The following AGBL4 variants were observed in gnomAD, a reference collection of about 807,000 sequenced individuals.
AGBL4 encodes cytosolic carboxypeptidase 6.
Under a neutral mutation model 66.4 loss-of-function variants are expected in AGBL4, and 58 were observed. That is an observed-to-expected ratio of 0.87 (90% CI 0.71 to 1.09). The LOEUF (loss-of-function observed/expected upper bound fraction) is 1.09. Among genes scored for constraint, AGBL4 ranks in the 50% least tolerant of loss-of-function variants. AGBL4 has a pLI of 0.00. For synonymous variants in AGBL4, 234 were observed against 222.9 expected (o/e 1.05, Z -0.44); for missense variants, 579 against 631.0 (o/e 0.92, Z 0.88).
At position 48,687,784 on chromosome 1, in the gene AGBL4, G is replaced by A. The variant is rs541585233; in HGVS notation, c.635-24543C>T. ...GTGGTCTGTGGCAGGCCCTGGACCA[G>A]CACCCTCGGCTGGCACTCCTGCCTT... On this transcript the variant is annotated intron_variant, in intron 6 of 13. Coordinates refer to ENST00000371839, the MANE Select transcript of AGBL4 (RefSeq NM_032785.4). Among the ~76,000 whole-genome samples the A allele has an allele frequency of 2.0e-5, 3 of 152,318 alleles. No homozygotes were observed. In the South Asian group the frequency reaches 6.2e-4, roughly 32 times the overall value.
Position 49,632,903 on chromosome 1 carries a change from G to A in AGBL4, c.282+64410C>T, listed in dbSNP as rs746695684. Among the ~76,000 whole-genome samples the A allele has an allele frequency of 6.6e-5, 10 of 151,732 alleles. No individual in the cohort carries two copies. The East Asian group carries it at 1.4e-3, about 21-fold the overall frequency. On this transcript the variant is annotated intron_variant, in intron 3 of 13. Transcript: ENST00000371839. ...ATCCTGGCCAACATAGTAAAACCCCGTCTCTACTAAAAATATAAAAATTAG... is the reference window on the plus strand; with the variant it reads ...ATCCTGGCCAACATAGTAAAACCCCATCTCTACTAAAAATATAAAAATTAG...
At chr1:48,863,886 G>A (rs2148820999) in intron 6 of AGBL4, among the ~76,000 whole-genome samples, 1 of 152,134 alleles carries the variant, frequency 6.6e-6, no homozygotes, top group Admixed American at 6.5e-5. Context: ...AGATAGGGAG[G>A]ATTTCTTAAA....
intron 4 of AGBL4, among the ~76,000 whole-genome samples, chr1:49,046,880 T>C (rs1240376760): frequency 6.6e-6 from 1 of 152,132 alleles, no homozygotes; most frequent in Non-Finnish European, 1.5e-5. Context: ...GGATGAAGGA[T>C]GTAAGGCTCA....
At chr1:50,000,317 A>G (rs185816985) in intron 1 of AGBL4, among the ~76,000 whole-genome samples, 4 of 152,366 alleles carry the variant, frequency 2.6e-5, no homozygotes, top group African/African-American at 9.6e-5. Context: ...ACATATGGAA[A>G]AATGTTCAGT....
At chr1:49,264,418 A>C (rs1570273065) in intron 3 of AGBL4, among the ~76,000 whole-genome samples, 1 of 152,200 alleles carries the variant, frequency 6.6e-6, no homozygotes, top group African/African-American at 2.4e-5. Flanking sequence ...CATTTATTGA[A>C]TAAGTCATTC....
chr1:48,862,674 A>G (rs1309449646), intron 6 of AGBL4, among the ~76,000 whole-genome samples: 1 of 152,190 alleles, frequency 6.6e-6, no homozygotes, highest in East Asian at 1.9e-4. Flanking sequence ...GACTCTGCAA[A>G]TGGCAAGTGA....
At chr1:49,897,429 T>TA (rs1454965252) in intron 1 of AGBL4, among the ~76,000 whole-genome samples, 4 of 151,710 alleles carry the variant, frequency 2.6e-5, no homozygotes, top group African/African-American at 9.7e-5. Flanking sequence ...ATAAAAACTA[T>TA]AAAAAATTGA....
chr1:48,556,543 G>A (rs1462887414), intron 11 of AGBL4, among the ~76,000 whole-genome samples: 1 of 152,130 alleles, frequency 6.6e-6, no homozygotes, highest in Non-Finnish European at 1.5e-5. Flanking sequence ...TCCCTCTGTG[G>A]CAGGGCCTCT....
At chr1:49,227,836 A>G (rs973333068) in intron 4 of AGBL4, among the ~76,000 whole-genome samples, 12 of 152,086 alleles carry the variant, frequency 7.9e-5, no homozygotes, top group Admixed American at 4.6e-4. Flanking sequence ...CTATTCTCTA[A>G]TCTTCAGCCA....
intron 1 of AGBL4, among the ~76,000 whole-genome samples, chr1:49,911,230 G>A (rs1650794626): frequency 6.6e-6 from 1 of 152,110 alleles, no homozygotes; most frequent in South Asian, 2.1e-4. Context: ...AAAATAATGA[G>A]CTGGACTCGC....
intron 9 of AGBL4, among the ~76,000 whole-genome samples, chr1:48,609,244 T>A (rs112679245): frequency 0.017 from 2,605 of 152,292 alleles, 38 homozygotes; most frequent in Non-Finnish European, 0.025. Context: ...AATCTGAGCA[T>A]GCCACTCCTC....
At chr1:49,209,727 CAATT>C (rs550334546) in intron 4 of AGBL4, among the ~76,000 whole-genome samples, 140 of 152,078 alleles carry the variant, frequency 9.2e-4, no homozygotes, top group South Asian at 2.7e-3. Context: ...ACAAATAAGA[CAATT>C]AATCCTATAA....
intron 8 of AGBL4, among the ~76,000 whole-genome samples, chr1:48,650,445 C>A (rs1269171951): frequency 9.7e-5 from 1 of 10,288 alleles, no homozygotes; most frequent in Non-Finnish European, 2.3e-4. Context: ...TGAGAACCAA[C>A]CTTCCTTCCT....
At chr1:49,013,825 A>C (rs1222560103) in intron 5 of AGBL4, among the ~76,000 whole-genome samples, 1 of 152,190 alleles carries the variant, frequency 6.6e-6, no homozygotes, top group African/African-American at 2.4e-5. Context: ...CACAGTTTGG[A>C]AGTACATGGC....
At chr1:49,312,169 G>C (rs1263827255) in intron 3 of AGBL4, among the ~76,000 whole-genome samples, 1 of 152,072 alleles carries the variant, frequency 6.6e-6, no homozygotes, top group Non-Finnish European at 1.5e-5. Flanking sequence ...GGCACCTTTA[G>C]GAAGCAACTA....
intron 9 of AGBL4, among the ~76,000 whole-genome samples, chr1:48,607,388 C>T (rs1002277964): frequency 9.2e-5 from 14 of 152,142 alleles, no homozygotes; most frequent in Admixed American, 5.9e-4. Flanking sequence ...GAGGCTGAGG[C>T]GGGCGGATCA....
intron 2 of AGBL4, among the ~76,000 whole-genome samples, chr1:49,784,764 TAC>T (rs1385629440): frequency 6.6e-6 from 1 of 151,778 alleles, no homozygotes; most frequent in Admixed American, 6.6e-5. Flanking sequence ...AAAGAACTCT[TAC>T]AGTTAATAAT....
At position 49,742,709 on chromosome 1, in the gene AGBL4, G is replaced by A. The variant is rs1210440951; in HGVS notation, c.158-45272C>T. ...GTACTGGTACCAAAACAGAGATACA[G>A]ACCAATGGAACAGAACAGAGCCCTC... On this transcript the variant is annotated intron_variant, in intron 2 of 13. Coordinates refer to ENST00000371839, the MANE Select transcript of AGBL4 (RefSeq NM_032785.4). Among the ~76,000 whole-genome samples, 4 of 152,234 alleles carry A rather than the reference G, an allele frequency of 2.6e-5. No homozygotes were observed. In the East Asian group the frequency reaches 7.7e-4, roughly 29 times the overall value.
At chr1:49,288,662 C>G (rs1570351216) in intron 3 of AGBL4, among the ~76,000 whole-genome samples, 1 of 152,110 alleles carries the variant, frequency 6.6e-6, no homozygotes, top group Non-Finnish European at 1.5e-5. Context: ...TCAACAGTCT[C>G]AAAGTGCTGC....
Sources: gnomAD v4.1 joint callset for allele counts (sites outside exome capture counted in the v4.1 genomes callset) on GRCh38, gnomAD v4.1.1 for gene constraint, MANE v1.5 for transcripts, NCBI Gene and HGNC (gene_info 2026-07-23, HGNC 2026-07-21) for gene names.